Variants in ADGRB3 observed in about 807,000 individuals in gnomAD.
The protein encoded by ADGRB3 is adhesion G protein-coupled receptor B3, also known as brain-specific angiogenesis inhibitor 3.
ADGRB3 carries 37 observed loss-of-function variants against 193.4 expected under a neutral mutation model. The observed-to-expected ratio is 0.19, with a 90% CI of 0.15 to 0.25. The LOEUF (loss-of-function observed/expected upper bound fraction) is 0.25. Ranked by LOEUF, ADGRB3 falls within the 10% of genes least tolerant of loss-of-function variation. The pLI is 1.00. For synonymous variants in ADGRB3, 690 were observed against 644.2 expected, an observed-to-expected ratio of 1.07 and a Z score of -1.08; for missense variants, 1,637 against 1,852.9, an observed-to-expected ratio of 0.88 and a Z score of 2.14.
intron 13 of ADGRB3, among the ~76,000 whole-genome samples, chr6:69,030,621 TG>T (rs995364809): frequency 2.0e-5 from 3 of 150,408 alleles, no homozygotes; most frequent in African/African-American, 7.4e-5. Context: ...GTCAGGGGAG[TG>T]GGGGGCTAGG....
intron 3 of ADGRB3, among the ~76,000 whole-genome samples, chr6:68,891,520 C>T (rs528873064): frequency 1.3e-5 from 2 of 152,134 alleles, no homozygotes; most frequent in African/African-American, 4.8e-5. Context: ...GTATGTGAGA[C>T]ATTATGATGG....
intron 10 of ADGRB3, among the ~76,000 whole-genome samples, chr6:68,978,473 G>T (rs570113695): frequency 2.0e-5 from 3 of 151,514 alleles, no homozygotes; most frequent in South Asian, 2.1e-4. Flanking sequence ...ACAAATCTAG[G>T]GCTTGCCTAA....
intron 17 of ADGRB3, among the ~76,000 whole-genome samples, chr6:69,179,427 T>G (rs976779801): frequency 1.3e-5 from 2 of 152,218 alleles, no homozygotes; most frequent in Non-Finnish European, 2.9e-5. Context: ...AACCTTGTCT[T>G]GGATCTCATT....
chr6:68,874,681 T>A (rs562142152), intron 3 of ADGRB3, among the ~76,000 whole-genome samples: 1 of 152,276 alleles, frequency 6.6e-6, no homozygotes, highest in South Asian at 2.1e-4. Context: ...AAACATATAG[T>A]GCTGGATACT....
intron 17 of ADGRB3, among the ~76,000 whole-genome samples, chr6:69,180,759 G>T (rs1775559271): frequency 6.6e-6 from 1 of 152,174 alleles, no homozygotes; most frequent in South Asian, 2.1e-4. Context: ...GCTTTCCACA[G>T]TTCTGGCTGT....
chr6:68,638,990 T>C lies in ADGRB3; in HGVS notation c.315T>C (p.Asn105=). 1 of 1,613,818 alleles carries C rather than the reference T, an allele frequency of 6.2e-7. No homozygotes were observed. The highest frequency in any genetic ancestry group is 1.6e-4 in the Middle Eastern group (1 of 6,062). ...HEKIKDLLRK[N]HSIMQLCNSK... The stretch of plus-strand genomic sequence containing the variant: ...AAATAAAGGATCTTTTAAGAAAGAA[T>C]CATTCTATAATGCAACTCTGCAATT... The change falls in exon 3 of 32, where the codon AAT becomes AAC. Residue 105 remains asparagine (N), a synonymous_variant. Coordinates refer to ENST00000370598, the MANE Select transcript of ADGRB3 (RefSeq NM_001704.3).
At chr6:69,071,192 T>A (rs1772068829) in intron 16 of ADGRB3, among the ~76,000 whole-genome samples, 1 of 152,218 alleles carries the variant, frequency 6.6e-6, no homozygotes, top group Non-Finnish European at 1.5e-5. Context: ...TTCTGACTTC[T>A]GCACTTTGTG....
At chr6:69,153,579 C>T (rs550043216) in intron 17 of ADGRB3, among the ~76,000 whole-genome samples, 1 of 152,228 alleles carries the variant, frequency 6.6e-6, no homozygotes, top group Admixed American at 6.5e-5. Flanking sequence ...AAGAAAAGTT[C>T]ATCAAGCTTA....
At chr6:68,870,798 G>A (rs190077703) in intron 3 of ADGRB3, among the ~76,000 whole-genome samples, 8 of 152,250 alleles carry the variant, frequency 5.3e-5, no homozygotes, top group African/African-American at 1.9e-4. Context: ...GTTTCATGAG[G>A]CTAGACCAGT....
At chr6:68,976,902 ACAGC>A (rs1306326865) in intron 10 of ADGRB3, among the ~76,000 whole-genome samples, 2 of 151,854 alleles carry the variant, frequency 1.3e-5, no homozygotes, top group East Asian at 3.8e-4. Flanking sequence ...TTGGCTATAT[ACAGC>A]CTTATTTCTG....
intron 6 of ADGRB3, among the ~76,000 whole-genome samples, chr6:68,954,534 G>C (rs1391443704): frequency 6.6e-6 from 1 of 151,994 alleles, no homozygotes; most frequent in African/African-American, 2.4e-5. Flanking sequence ...CCCGTTCCTA[G>C]TAACTTTCTA....
chr6:69,324,563 A>G (rs576463240), intron 20 of ADGRB3, among the ~76,000 whole-genome samples: 1 of 152,318 alleles, frequency 6.6e-6, no homozygotes, highest in South Asian at 2.1e-4. Flanking sequence ...AATTTTCATA[A>G]TTATGTTTTA....
intron 30 of ADGRB3, among the ~76,000 whole-genome samples, chr6:69,381,810 A>C (rs756782932): frequency 7.2e-5 from 11 of 151,938 alleles, no homozygotes; most frequent in Non-Finnish European, 1.3e-4. Context: ...TATGCAAACC[A>C]CAGGCACAAA....
At position 68,926,737 on chromosome 6, in the gene ADGRB3, C is replaced by T. The variant is rs142076154; in HGVS notation, c.758-3822C>T. On this transcript the variant is annotated intron_variant, in intron 3 of 31. Transcript: ENST00000370598. The stretch of plus-strand genomic sequence containing the variant: ...AAAATACACATGGTAAAATAAGAAA[C>T]GGATATGTGTTTGTGTTTTAACTTT... Among the ~76,000 whole-genome samples, 366 of 151,852 alleles carry T rather than the reference C, an allele frequency of 2.4e-3. 2 individuals are homozygous for T. Among genetic ancestry groups the T allele is most frequent in the African/African-American group, 8.0e-3 (331 of 41,276 alleles).
intron 17 of ADGRB3, among the ~76,000 whole-genome samples, chr6:69,100,881 G>C (rs1227281088): frequency 6.6e-4 from 72 of 109,646 alleles, no homozygotes; most frequent in South Asian, 1.5e-3. Context: ...AAGAAGGAAG[G>C]GAGGGAAGGA....
chr6:68,801,004 A>T (rs1005667178), intron 3 of ADGRB3, among the ~76,000 whole-genome samples: 1 of 151,560 alleles, frequency 6.6e-6, no homozygotes, highest in African/African-American at 2.4e-5. Context: ...TCTAAGACAT[A>T]AAAGAAAGAG....
intron 17 of ADGRB3, among the ~76,000 whole-genome samples, chr6:69,113,797 A>C (rs1672820024): frequency 6.6e-6 from 1 of 152,136 alleles, no homozygotes; most frequent in Admixed American, 6.6e-5. Flanking sequence ...ACTTCTCTTA[A>C]TAATGTTTTT....
intron 20 of ADGRB3, among the ~76,000 whole-genome samples, chr6:69,273,914 G>GA (rs963179524): frequency 2.0e-5 from 3 of 151,970 alleles, no homozygotes; most frequent in Admixed American, 6.6e-5. Flanking sequence ...GGTGTAGTTA[G>GA]AAAAAAACAA....
chr6:69,375,348 T>C (rs1769793034), intron 30 of ADGRB3, among the ~76,000 whole-genome samples: 1 of 151,968 alleles, frequency 6.6e-6, no homozygotes, highest in Non-Finnish European at 1.5e-5. Flanking sequence ...GCTAGTATAG[T>C]AGGTAATGAA....
Sources: gnomAD v4.1 joint callset for allele counts (sites outside exome capture counted in the v4.1 genomes callset) on GRCh38, gnomAD v4.1.1 for gene constraint, MANE v1.5 for transcripts, NCBI Gene and HGNC (gene_info 2026-07-23, HGNC 2026-07-21) for gene names.